The following RUNX1T1 variants were observed in gnomAD, a reference collection of about 807,000 sequenced individuals.
RUNX1T1 encodes protein CBFA2T1.
RUNX1T1 carries 4 observed loss-of-function variants against 62.8 expected under a neutral mutation model. The ratio of observed to expected loss-of-function variants is 0.06; its 90% CI spans 0.03 to 0.15. The LOEUF is 0.15. Among genes scored for constraint, RUNX1T1 ranks in the 10% least tolerant of loss-of-function variants. The pLI is 1.00. For synonymous variants in RUNX1T1, 291 were observed against 286.0 expected, an observed-to-expected ratio of 1.02 and a Z score of -0.18; for missense variants, 508 against 754.3, an observed-to-expected ratio of 0.67 and a Z score of 3.82.
At position 91,970,764 on chromosome 8, in the gene RUNX1T1, ATGTCG is replaced by A; in HGVS notation, c.1347_1351del (p.Met451HisfsTer42). The A allele has an allele frequency of 6.2e-7, 1 of 1,613,662 alleles. No homozygotes were observed. Among genetic ancestry groups the A allele is most frequent in the Non-Finnish European group, 8.5e-7 (1 of 1,179,984 alleles). The stretch of plus-strand genomic sequence containing the variant: ...CATCTTGGCCCTCTCTGTTGTGATC[ATGTCG>A]TGGGCTTTCCGCTCCGCCTCAGACA... On this transcript the variant is annotated frameshift_variant, in exon 10 of 11. Coordinates refer to ENST00000396218, the Ensembl canonical transcript of RUNX1T1. LOFTEE classifies it high-confidence loss of function.
At chr8:91,970,043 T>TGTGTTGTGTG (rs11374252) in intron 10 of RUNX1T1, among the ~76,000 whole-genome samples, 5 of 142,810 alleles carry the variant, frequency 3.5e-5, no homozygotes, top group East Asian at 2.1e-4. Context: ...TGTGTGTGTG[T>TGTGTTGTGTG]TGTGTGTGTG....
At chr8:91,989,742 G>T (rs1420174610) in intron 6 of RUNX1T1, among the ~76,000 whole-genome samples, 1 of 152,148 alleles carries the variant, frequency 6.6e-6, no homozygotes, top group Admixed American at 6.5e-5. Flanking sequence ...CAGTCCTTAA[G>T]TCATAAATAA....
intron 8 of RUNX1T1, among the ~76,000 whole-genome samples, chr8:91,979,373 CA>C (rs1814690955): frequency 6.6e-6 from 1 of 152,040 alleles, no homozygotes; most frequent in Non-Finnish European, 1.5e-5. Context: ...GGCTTAGATT[CA>C]AAAGAAGCTA....
intron 1 of RUNX1T1, among the ~76,000 whole-genome samples, chr8:92,041,985 AT>A (rs994229350): frequency 6.6e-6 from 1 of 150,654 alleles, no homozygotes; most frequent in Non-Finnish European, 1.5e-5. Context: ...TACACAGCTA[AT>A]TTTTTTTTGT....
At chr8:92,005,530 T>C (rs1820589285) in intron 4 of RUNX1T1, 4 of 487,194 alleles carry the variant, frequency 8.2e-6, no homozygotes, top group Non-Finnish European at 1.1e-5. Context: ...CTCTCTTTTA[T>C]TTCTTCACTG....
At chr8:92,017,351 T>C (rs2131169540) in exon 2 of RUNX1T1, 1 of 1,614,070 alleles carries the variant, frequency 6.2e-7, no homozygotes, top group South Asian at 1.1e-5. Flanking sequence ...TGTGGAGTGC[T>C]TCTCAGTACG....
intron 5 of RUNX1T1, chr8:91,994,482 C>T (rs1161136000): frequency 7.8e-6 from 3 of 386,110 alleles, no homozygotes; most frequent in South Asian, 2.2e-5. Flanking sequence ...TAACACAGCA[C>T]CTACCTTACT....
At chr8:92,011,506 G>A (rs1005645258) in intron 3 of RUNX1T1, among the ~76,000 whole-genome samples, 4 of 152,190 alleles carry the variant, frequency 2.6e-5, no homozygotes, top group African/African-American at 9.6e-5. Flanking sequence ...TTTATCCCAC[G>A]TGTCACATCA....
chr8:92,058,974 C>T (rs1426266736), intron 1 of RUNX1T1, among the ~76,000 whole-genome samples: 1 of 152,076 alleles, frequency 6.6e-6, no homozygotes, highest in Non-Finnish European at 1.5e-5. Flanking sequence ...AGGAAGATGG[C>T]CTGTGAAAGT....
intron 1 of RUNX1T1, among the ~76,000 whole-genome samples, chr8:92,096,916 C>G (rs1837794423): frequency 6.6e-6 from 1 of 152,102 alleles, no homozygotes; most frequent in Admixed American, 6.6e-5. Context: ...CAGGCACTCC[C>G]CTCCAAATCA....
chr8:92,099,930 C>G (rs1837960997), upstream of RUNX1T1, among the ~76,000 whole-genome samples: 1 of 152,142 alleles, frequency 6.6e-6, no homozygotes, highest in Non-Finnish European at 1.5e-5. Context: ...GTGTGTAGTT[C>G]TTTGCAATTT....
rs540609620 is a variant in RUNX1T1 at position 91,984,127 on chromosome 8, T to G, written c.1198+1997A>C. On this transcript the variant is annotated intron_variant, in intron 8 of 10. Coordinates refer to ENST00000396218, the Ensembl canonical transcript of RUNX1T1. The stretch of plus-strand genomic sequence containing the variant: ...AAATATCTCAGGTTTAACAAAAATA[T>G]AAATCCATTGAACATCACTAAAAAA... 3.4e-4 allele frequency among the ~76,000 whole-genome samples: 52 copies of G among 152,294 alleles called. 1 individual carries two copies. In the South Asian group the frequency reaches 0.01, roughly 30 times the overall value.
At chr8:92,077,092 T>C (rs1302851728) in intron 1 of RUNX1T1, among the ~76,000 whole-genome samples, 1 of 152,086 alleles carries the variant, frequency 6.6e-6, no homozygotes, top group Admixed American at 6.6e-5. Flanking sequence ...GAACATATTC[T>C]GATGTAAATA....
chr8:92,016,415 G>C (rs1024728513), intron 2 of RUNX1T1, among the ~76,000 whole-genome samples: 1 of 152,138 alleles, frequency 6.6e-6, no homozygotes, highest in South Asian at 2.1e-4. Context: ...GGTGGCTCAC[G>C]CCTGTAATCC....
chr8:91,956,125 CAG>C (rs375536561), downstream of RUNX1T1: 47 of 229,944 alleles, frequency 2.0e-4, no homozygotes, highest in East Asian at 2.5e-3. Flanking sequence ...CCTCTCTGAG[CAG>C]AGTGATCCAG....
At chr8:91,960,110 G>A in exon 11 of RUNX1T1, 1 of 931,874 alleles carries the variant, frequency 1.1e-6, no homozygotes, top group Non-Finnish European at 1.6e-6. Flanking sequence ...GTTCTCTCTT[G>A]CTGAAGTACT....
In RUNX1T1 at chr8:92,019,674, C is replaced by A. The variant is rs115688736; in HGVS notation, c.8-2311G>T. 5.0e-3 allele frequency among the ~76,000 whole-genome samples: 754 copies of A among 152,108 alleles called. 7 individuals are homozygous for A. The highest frequency in any genetic ancestry group is 0.017 in the African/African-American group (722 of 41,486). On this transcript the variant is annotated intron_variant, in intron 1 of 10. Transcript: ENST00000396218. The stretch of plus-strand genomic sequence containing the variant: ...GGCTATTTTTCTTTCCTAAAATAGA[C>A]CACCCTAAAAAAAATAAACTATAAA...
At chr8:92,096,761 G>T (rs1837780816) in intron 1 of RUNX1T1, among the ~76,000 whole-genome samples, 2 of 152,012 alleles carry the variant, frequency 1.3e-5, no homozygotes, top group South Asian at 4.1e-4. Context: ...TATGCAGGGG[G>T]TCTCCCTAGA....
chr8:92,056,604 A>G (rs1219473211), intron 1 of RUNX1T1, among the ~76,000 whole-genome samples: 2 of 151,840 alleles, frequency 1.3e-5, no homozygotes, highest in Non-Finnish European at 2.9e-5. Context: ...TTAAAAATCA[A>G]CTGCTTTTTT....
Sources: gnomAD v4.1 joint callset for allele counts (sites outside exome capture counted in the v4.1 genomes callset) on GRCh38, gnomAD v4.1.1 for gene constraint, MANE v1.5 for transcripts, NCBI Gene and HGNC (gene_info 2026-07-23, HGNC 2026-07-21) for gene names.